Variants in PTPRM observed in about 807,000 individuals in gnomAD.
PTPRM encodes protein tyrosine phosphatase receptor type M.
In PTPRM, 47 loss-of-function variants were observed where a neutral mutation model predicts 186.7. The ratio of observed to expected loss-of-function variants is 0.25; its 90% confidence interval spans 0.20 to 0.32. PTPRM has a LOEUF of 0.32. PTPRM is among the 10% of genes least tolerant of loss of function. The pLI, the probability that PTPRM is intolerant of heterozygous loss-of-function variation, is 1.00. For missense variants in PTPRM, 1,494 were observed against 1,865.0 expected (o/e 0.80, Z 3.66); for synonymous variants, 668 against 674.9 (o/e 0.99, Z 0.16).
chr18:8,180,592 G>A (rs1235362369), intron 14 of PTPRM, among the ~76,000 whole-genome samples: 3 of 152,154 alleles, frequency 2.0e-5, no homozygotes, highest in East Asian at 1.9e-4. Flanking sequence ...TGGGCTGTTC[G>A]AATGCGCAGT....
rs1489923841 is a variant in PTPRM, at chr18:8,240,690, AG to A, written c.2301-3367del. ...GAAAGAAAGAAAGAAAAAGAAAGAGAGAAAGAGAGAAAGAAAGAAGGAAAGA... is the reference window on the plus strand; with the variant it reads ...GAAAGAAAGAAAGAAAAAGAAAGAGAAAAGAGAGAAAGAAAGAAGGAAAGA... On this transcript the variant is annotated intron_variant, in intron 14 of 32. Transcript: ENST00000580170. Among the ~76,000 whole-genome samples, 9 of 94,222 alleles carry A rather than the reference AG, an allele frequency of 9.6e-5. 2 individuals carry two copies. Among genetic ancestry groups the A allele is most frequent in the African/African-American group, 4.3e-4 (9 of 20,794 alleles). The allele number at this position is 94,222 out of a possible 152,430, so 61.8% of individuals were successfully genotyped here. A position where few individuals can be genotyped will look rare whatever the true frequency, so the allele number is the denominator to read the frequency against.
intron 1 of PTPRM, among the ~76,000 whole-genome samples, chr18:7,733,989 A>G (rs1255194886): frequency 2.0e-5 from 3 of 152,296 alleles, no homozygotes; most frequent in Non-Finnish European, 4.4e-5. Context: ...TGCTGCCTCT[A>G]TGACTACCTT....
chr18:7,901,257 T>C (rs2049663284), intron 3 of PTPRM, among the ~76,000 whole-genome samples: 1 of 152,154 alleles, frequency 6.6e-6, no homozygotes, highest in Non-Finnish European at 1.5e-5. Flanking sequence ...GTGTACATAA[T>C]GGAAAATTTG....
chr18:7,575,380 A>G (rs1298265169), intron 1 of PTPRM, among the ~76,000 whole-genome samples: 2 of 152,184 alleles, frequency 1.3e-5, no homozygotes, highest in African/African-American at 2.4e-5. Flanking sequence ...CTGGACAGCT[A>G]AAGAAAGGCA....
intron 7 of PTPRM, among the ~76,000 whole-genome samples, chr18:7,955,942 G>A (rs2053279948): frequency 6.6e-6 from 1 of 152,186 alleles, no homozygotes; most frequent in Non-Finnish European, 1.5e-5. Context: ...GCTGGGTGCA[G>A]TCTTTAGTTT....
intron 22 of PTPRM, among the ~76,000 whole-genome samples, chr18:8,333,826 C>T (rs538295385): frequency 2.6e-5 from 4 of 152,294 alleles, no homozygotes; most frequent in South Asian, 2.1e-4. Flanking sequence ...CCTTTCCCTT[C>T]GCACTTCTGC....
At chr18:7,823,311 G>A (rs2045307380) in intron 2 of PTPRM, among the ~76,000 whole-genome samples, 2 of 152,168 alleles carry the variant, frequency 1.3e-5, no homozygotes, top group Admixed American at 6.5e-5. Flanking sequence ...CAGAACGATG[G>A]TATTGTGGGG....
chr18:7,972,702 A>G (rs2054641920), intron 7 of PTPRM, among the ~76,000 whole-genome samples: 1 of 152,030 alleles, frequency 6.6e-6, no homozygotes, highest in Admixed American at 6.6e-5. Context: ...GTTAATGTTT[A>G]TATCTTGTTA....
intron 2 of PTPRM, among the ~76,000 whole-genome samples, chr18:7,866,174 TC>T (rs1355195601): frequency 3.3e-5 from 5 of 152,232 alleles, no homozygotes; most frequent in Admixed American, 6.5e-5. Context: ...TTTTTTCTTG[TC>T]TCTTGTCTTT....
chr18:8,231,676 G>A (rs575011605), intron 14 of PTPRM, among the ~76,000 whole-genome samples: 54 of 152,140 alleles, frequency 3.5e-4, no homozygotes, highest in African/African-American at 1.1e-3. Context: ...TGAATTCAGC[G>A]CGCATTTCTC....
In PTPRM at chr18:8,378,294, C is replaced by T. The variant is rs1379481587; in HGVS notation, c.3492C>T (p.Ile1164=). Residue 1164 remains isoleucine, a synonymous_variant, in exon 27 of 33, where the codon ATC becomes ATT. Transcript: ENST00000580170. ...EEQYVFIHDA[I]LEACLCGDTS... Reference sequence around the variant, plus strand: ...AGTATGTGTTTATCCACGATGCGATCCTGGAAGCCTGTCTTTGTGGGGACA... The same window carrying T: ...AGTATGTGTTTATCCACGATGCGATTCTGGAAGCCTGTCTTTGTGGGGACA... 2 of 1,612,800 alleles carry T rather than the reference C, an allele frequency of 1.2e-6. No individual in the cohort carries two copies. Among genetic ancestry groups the T allele is most frequent in the East Asian group, 2.2e-5 (1 of 44,870 alleles).
At chr18:8,094,719 C>T (rs2145428048) in intron 11 of PTPRM, among the ~76,000 whole-genome samples, 1 of 152,248 alleles carries the variant, frequency 6.6e-6, no homozygotes, top group Admixed American at 6.5e-5. Flanking sequence ...GATACAAGAT[C>T]ATATCAAGTG....
chr18:7,655,217 C>T (rs2038819351), intron 1 of PTPRM, among the ~76,000 whole-genome samples: 1 of 151,878 alleles, frequency 6.6e-6, no homozygotes, highest in Admixed American at 6.6e-5. Context: ...TCTTTTTTCA[C>T]ACCGGCTAAT....
chr18:7,896,580 G>A (rs2049369976), intron 3 of PTPRM, among the ~76,000 whole-genome samples: 2 of 152,202 alleles, frequency 1.3e-5, no homozygotes, highest in African/African-American at 2.4e-5. Flanking sequence ...GGGCTGGGGA[G>A]GGTGGGCATG....
intron 23 of PTPRM, among the ~76,000 whole-genome samples, chr18:8,346,288 G>A (rs1418755279): frequency 6.6e-6 from 1 of 152,238 alleles, no homozygotes; most frequent in African/African-American, 2.4e-5. Context: ...CAACAGACAT[G>A]TACTATCTTC....
intron 2 of PTPRM, among the ~76,000 whole-genome samples, chr18:7,858,952 A>G (rs2047218144): frequency 1.3e-5 from 2 of 152,240 alleles, no homozygotes; most frequent in South Asian, 2.1e-4. Context: ...CTGTAATTAT[A>G]TGAGTGTCTA....
intron 7 of PTPRM, among the ~76,000 whole-genome samples, chr18:7,984,578 T>C (rs1271542303): frequency 1.1e-5 from 1 of 91,576 alleles, no homozygotes; most frequent in Non-Finnish European, 2.1e-5. Context: ...GCCCCATATA[T>C]ATATATATAT....
At chr18:8,211,377 C>CT (rs970926126) in intron 14 of PTPRM, among the ~76,000 whole-genome samples, 6,180 of 87,276 alleles carry the variant, frequency 0.071, 381 homozygotes, top group Middle Eastern at 0.27. Flanking sequence ...GTCTCTTCTT[C>CT]TTTTTTTTTT....
intron 13 of PTPRM, among the ~76,000 whole-genome samples, chr18:8,118,807 A>ATATATATAT (rs1555749446): frequency 2.9e-5 from 4 of 137,290 alleles, no homozygotes; most frequent in African/African-American, 1.1e-4. Flanking sequence ...CTCAAAAAAA[A>ATATATATAT]AAAAATATAT....
Sources: allele counts gnomAD v4.1 joint callset (sites outside exome capture counted in the v4.1 genomes callset), GRCh38; gene constraint gnomAD v4.1.1; transcripts MANE v1.5; gene names NCBI Gene and HGNC (gene_info 2026-07-23, HGNC 2026-07-21).